The following NCS1 variants were observed in gnomAD, a reference collection of about 807,000 sequenced individuals.
NCS1 encodes frequenin homolog.
NCS1 carries 6 observed loss-of-function variants against 28.4 expected under a neutral mutation model. The ratio of observed to expected loss-of-function variants is 0.21; its 90% confidence interval spans 0.12 to 0.42. NCS1 has a LOEUF of 0.42. Among genes scored for constraint, NCS1 ranks in the 10% least tolerant of loss-of-function variants. NCS1 has a pLI of 1.00. For synonymous variants in NCS1, 86 were observed against 99.3 expected, an observed-to-expected ratio of 0.87 and a Z score of 0.79; for missense variants, 131 against 241.4, an observed-to-expected ratio of 0.54 and a Z score of 3.03.
chr9:130,227,034 A>C (rs10819619), intron 7 of NCS1, among the ~76,000 whole-genome samples: 36,418 of 148,728 alleles, frequency 0.24, 4,721 homozygotes, highest in Admixed American at 0.32. Flanking sequence ...AAAAAAAAAA[A>C]AAAAAGAAAA....
rs2131116444 is a variant in NCS1, at chr9:130,180,146, T to C, written c.64+7419T>C. On this transcript the variant is annotated intron_variant, in intron 1 of 7. Transcript: ENST00000372398. The surrounding 1 kb of genome is among the most constrained non-coding windows in gnomAD (Gnocchi z 4.5). ...ACCTCCCGGGTTCAAGCTGTTCTCCTGCCTCAGCCTCCTGAGTAGCTCGTA... is the reference window on the plus strand; with the variant it reads ...ACCTCCCGGGTTCAAGCTGTTCTCCCGCCTCAGCCTCCTGAGTAGCTCGTA... 6.6e-6 allele frequency among the ~76,000 whole-genome samples: 1 copy of C among 152,318 alleles called. No homozygotes were observed. The highest frequency in any genetic ancestry group is 2.1e-4 in the South Asian group (1 of 4,830).
At chr9:130,222,844 A>G in intron 5 of NCS1, 106 bp downstream of exon 5, 4 of 1,221,992 alleles carry the variant, frequency 3.3e-6, no homozygotes, top group Non-Finnish European at 4.8e-6. Flanking sequence ...CCCAGGGTGG[A>G]AGCAGGGGTC....
At chr9:130,231,351 C>CAAA (rs367655474) in intron 7 of NCS1, among the ~76,000 whole-genome samples, 2 of 144,662 alleles carry the variant, frequency 1.4e-5, no homozygotes, top group Non-Finnish European at 3.0e-5. Context: ...GATTTTATCT[C>CAAA]AAAAAAAAAA....
At chr9:130,231,453 G>T (rs1833500749) in intron 7 of NCS1, among the ~76,000 whole-genome samples, 1 of 151,816 alleles carries the variant, frequency 6.6e-6, no homozygotes, top group African/African-American at 2.4e-5. Context: ...ACGTGATCTT[G>T]GCTCACTGCA....
intron 2 of NCS1, among the ~76,000 whole-genome samples, chr9:130,202,202 G>A (rs542484593): frequency 1.3e-5 from 2 of 152,344 alleles, no homozygotes; most frequent in South Asian, 4.1e-4. Flanking sequence ...GCAGTCTGGC[G>A]TCCTCTGCCT....
intron 4 of NCS1, among the ~76,000 whole-genome samples, chr9:130,220,048 T>C (rs782220794): frequency 6.6e-6 from 1 of 151,956 alleles, no homozygotes; most frequent in Non-Finnish European, 1.5e-5. Context: ...TGCTTCCAGG[T>C]GGGAGGGTTT....
At position 130,222,749 on chromosome 9, in the gene NCS1, G is replaced by A. The variant is rs782233966; in HGVS notation, c.396+11G>A. The stretch of plus-strand genomic sequence containing the variant: ...ATTTACCAGATGGTGGTGAGAAGCC[G>A]GGTCTCGTGTGGTTAGGGGTGGCAG... On this transcript the variant is annotated intron_variant, in intron 5 of 7. Transcript: ENST00000372398. 3.8e-5 allele frequency: 62 copies of A among 1,613,514 alleles called. No individual in the cohort carries two copies. The East Asian group carries it at 8.2e-4, about 21-fold the overall frequency.
intron 1 of NCS1, among the ~76,000 whole-genome samples, chr9:130,176,202 T>TTCTTTCTTTCTTTCTTTCTTTC (rs1816034257): frequency 1.3e-5 from 1 of 77,946 alleles, no homozygotes; most frequent in African/African-American, 4.4e-5. Flanking sequence ...TTCTTTTTTT[T>TTCTTTCTTTCTTTCTTTCTTTC]TTTTTTTGGA....
In NCS1 at chr9:130,181,013, G is replaced by A. The variant is rs192865643; in HGVS notation, c.64+8286G>A. ...TCAGAGGATGGACAGCAGCCTGCCTGGGATTAAGTCCCAGGACCATCATGG... is the reference window on the plus strand; with the variant it reads ...TCAGAGGATGGACAGCAGCCTGCCTAGGATTAAGTCCCAGGACCATCATGG... On this transcript the variant is annotated intron_variant, in intron 1 of 7. Coordinates refer to ENST00000372398, the MANE Select transcript of NCS1 (RefSeq NM_014286.4). This position sits in a 1 kb window ranked among gnomAD's most constrained non-coding sequence, Gnocchi z 5.0. Among the ~76,000 whole-genome samples the A allele has an allele frequency of 1.3e-5, 2 of 152,328 alleles. No individual in the cohort carries two copies. Among genetic ancestry groups the A allele is most frequent in the Non-Finnish European group, 2.9e-5 (2 of 68,038 alleles).
Position 130,175,270 on chromosome 9 carries a change from C to G in NCS1, c.64+2543C>G, listed in dbSNP as rs79909396. ...AGAGAAAGCTTCCAGCTTGTTCTCC[C>G]GCCCCCAGATGGGCTTCCTTCTGAT... On this transcript the variant is annotated intron_variant, in intron 1 of 7. Coordinates refer to ENST00000372398, the MANE Select transcript of NCS1 (RefSeq NM_014286.4). The surrounding 1 kb of genome is among the most constrained non-coding windows in gnomAD (Gnocchi z 4.9). Among the ~76,000 whole-genome samples, 16,878 of 152,198 alleles carry G rather than the reference C, an allele frequency of 0.11. 1,288 individuals are homozygous for G. The highest frequency in any genetic ancestry group is 0.21 in the African/African-American group (8,872 of 41,488).
At chr9:130,220,070 C>T (rs1172565864) in intron 4 of NCS1, among the ~76,000 whole-genome samples, 4 of 152,132 alleles carry the variant, frequency 2.6e-5, no homozygotes, top group Admixed American at 1.3e-4. Context: ...CTGGAGGCAC[C>T]GGCAGCAGGA....
chr9:130,226,241 T>C lies in NCS1; in HGVS notation c.475-148T>C. On this transcript the variant is annotated intron_variant, in intron 6 of 7. Transcript: ENST00000372398. This position sits in a 1 kb window ranked among gnomAD's most constrained non-coding sequence, Gnocchi z 4.8. ...CCTGCCATGAGTGCCGAGGTCTGTC[T>C]GGTGCTGGCTGCTTGTAGGCCCTGA... 1.4e-6 allele frequency: 1 copy of C among 699,760 alleles called. No homozygotes were observed. Among genetic ancestry groups the C allele is most frequent in the Non-Finnish European group, 2.6e-6 (1 of 388,302 alleles). The allele number at this position is 699,760 out of a possible 1,614,324, so 43.3% of individuals were successfully genotyped here. A position where few individuals can be genotyped will look rare whatever the true frequency, so the allele number is the denominator to read the frequency against.
In NCS1 at chr9:130,177,087, C is replaced by T. The variant is rs1246826102; in HGVS notation, c.64+4360C>T. Among the ~76,000 whole-genome samples the T allele has an allele frequency of 6.6e-6, 1 of 152,220 alleles. No homozygotes were observed. Among genetic ancestry groups the T allele is most frequent in the Non-Finnish European group, 1.5e-5 (1 of 68,050 alleles). On this transcript the variant is annotated intron_variant, in intron 1 of 7. Coordinates refer to ENST00000372398, the MANE Select transcript of NCS1 (RefSeq NM_014286.4). The surrounding 1 kb of genome is among the most constrained non-coding windows in gnomAD (Gnocchi z 4.4). The stretch of plus-strand genomic sequence containing the variant: ...ACCTTGCCTGCCAACCTTGACTCTC[C>T]TCTGCCTTTTCCCTAATGCCCAGAA...
intron 1 of NCS1, among the ~76,000 whole-genome samples, chr9:130,193,394 A>G (rs892557003): frequency 1.3e-5 from 2 of 151,940 alleles, no homozygotes; most frequent in Admixed American, 6.6e-5. Context: ...GGGGCTGAGA[A>G]GAGGCCGGCA....
intron 1 of NCS1, among the ~76,000 whole-genome samples, chr9:130,179,266 A>G (rs544818558): frequency 6.6e-6 from 1 of 152,118 alleles, no homozygotes; most frequent in Admixed American, 6.5e-5. Flanking sequence ...ATTTGGGATT[A>G]TCTACTTTTT....
rs781926452 is a variant in NCS1 at position 130,192,770 on chromosome 9, T to C, written c.65-8188T>C. On this transcript the variant is annotated intron_variant, in intron 1 of 7. Coordinates refer to ENST00000372398, the MANE Select transcript of NCS1 (RefSeq NM_014286.4). This position sits in a 1 kb window ranked among gnomAD's most constrained non-coding sequence, Gnocchi z 4.8. ...GGGGGGAGTGATCTGAGGCCTTGTG[T>C]GCTTGGGGCACCTGGAGGATTGGAG... 4.6e-5 allele frequency among the ~76,000 whole-genome samples: 7 copies of C among 152,084 alleles called. No individual in the cohort carries two copies. Among genetic ancestry groups the C allele is most frequent in the Non-Finnish European group, 8.8e-5 (6 of 67,992 alleles).
intron 2 of NCS1, among the ~76,000 whole-genome samples, chr9:130,202,354 A>AACCCCCCCCG (rs1832961610): frequency 8.8e-6 from 1 of 113,334 alleles, no homozygotes; most frequent in Non-Finnish European, 1.8e-5. Flanking sequence ...CCTCCCCCCC[A>AACCCCCCCCG]CCCCCTGAAA....
intron 1 of NCS1, among the ~76,000 whole-genome samples, chr9:130,187,803 G>C (rs1402552703): frequency 2.6e-5 from 4 of 152,202 alleles, no homozygotes; most frequent in African/African-American, 9.6e-5. Context: ...CCATCCAGAG[G>C]GCTCCCTGCT....
intron 1 of NCS1, among the ~76,000 whole-genome samples, chr9:130,199,286 G>A (rs1554907182): frequency 6.6e-6 from 1 of 152,072 alleles, no homozygotes; most frequent in Non-Finnish European, 1.5e-5. Flanking sequence ...GTAGAGATGG[G>A]GTTTCACCGC....
Sources: gnomAD v4.1 joint callset for allele counts (sites outside exome capture counted in the v4.1 genomes callset) on GRCh38, gnomAD v4.1.1 for gene constraint, Gnocchi (gnomAD v3.1) non-coding constraint, MANE v1.5 for transcripts, NCBI Gene and HGNC (gene_info 2026-07-23, HGNC 2026-07-21) for gene names.